Variants in PPP2CB observed in about 807,000 individuals in gnomAD.
PPP2CB encodes the protein protein phosphatase 2 catalytic subunit beta.
In PPP2CB, 18 loss-of-function variants were observed where a neutral mutation model predicts 39.1. That is an observed-to-expected ratio of 0.46 (90% CI 0.32 to 0.68). PPP2CB has a LOEUF of 0.68. Among genes scored for constraint, PPP2CB ranks in the 30% least tolerant of loss-of-function variants. The pLI is 0.04. For synonymous variants in PPP2CB, 129 were observed against 133.8 expected (o/e 0.96, Z 0.25); for missense variants, 226 against 396.9 (o/e 0.57, Z 3.66).
At chr8:30,791,692 T>G (rs1806431649) in intron 5 of PPP2CB, 1 of 163,222 alleles carries the variant, frequency 6.1e-6, no homozygotes, top group African/African-American at 2.4e-5. Flanking sequence ...TTAGAATACT[T>G]TCTTCCTAGA....
At position 30,785,917 on chromosome 8, in the gene PPP2CB, T is replaced by A. The variant is rs1806331464; in HGVS notation, c.*318A>T. 4.1e-6 allele frequency: 2 copies of A among 487,082 alleles called. No homozygotes were observed. The highest frequency in any genetic ancestry group is 3.2e-5 in the South Asian group (2 of 61,966). The allele number at this position is 487,082 out of a possible 1,614,324, so 30.2% of individuals were successfully genotyped here. ...CCAGTTAAACACTATAACTAAAATTTCCAAATAAGCGCAAAAGGAGATGAA... is the reference window on the plus strand; with the variant it reads ...CCAGTTAAACACTATAACTAAAATTACCAAATAAGCGCAAAAGGAGATGAA... On this transcript the variant is annotated 3_prime_UTR_variant, in exon 7 of 7. Coordinates refer to ENST00000221138, the MANE Select transcript of PPP2CB (RefSeq NM_001009552.2).
chr8:30,794,853 A>C (rs1223952595), intron 3 of PPP2CB, among the ~76,000 whole-genome samples: 1 of 152,238 alleles, frequency 6.6e-6, no homozygotes, highest in African/African-American at 2.4e-5. Context: ...GTTACTGGCT[A>C]CAATAAATTT....
intron 6 of PPP2CB, among the ~76,000 whole-genome samples, chr8:30,788,497 A>G (rs936768314): frequency 1.3e-5 from 2 of 152,010 alleles, no homozygotes; most frequent in African/African-American, 4.8e-5. Flanking sequence ...TGATCCTCCT[A>G]CTTTGGCTTC....
chr8:30,811,596 A>T (rs1177280142), intron 1 of PPP2CB, among the ~76,000 whole-genome samples: 14 of 151,414 alleles, frequency 9.2e-5, no homozygotes, highest in African/African-American at 3.4e-4. Flanking sequence ...CCTGGGCTCA[A>T]GCGATCCTCC....
At chr8:30,803,319 G>A (rs1456029628) in intron 1 of PPP2CB, among the ~76,000 whole-genome samples, 1 of 152,022 alleles carries the variant, frequency 6.6e-6, no homozygotes, top group African/African-American at 2.4e-5. Context: ...GAGGCAGAAG[G>A]ATCACTTGAG....
At chr8:30,793,569 C>G (rs1563214725) in intron 5 of PPP2CB, 1 of 179,710 alleles carries the variant, frequency 5.6e-6, no homozygotes, top group African/African-American at 2.4e-5. Context: ...CTGTCTGCAA[C>G]AGATATTCAA....
Position 30,793,998 on chromosome 8 carries a change from T to C in PPP2CB, c.657A>G (p.Thr219=). The C allele has an allele frequency of 1.2e-6, 2 of 1,613,744 alleles. No individual in the cohort carries two copies. Among genetic ancestry groups the C allele is most frequent in the Non-Finnish European group, 1.7e-6 (2 of 1,179,842 alleles). ...AGGTTTCAGAAATGTCTTGTCCAAA[T>C]GTGTAGCCAGCACCACGTGGTGAAA... The part of the protein sequence containing the change: ...WGISPRGAGY[T]FGQDISETFN... The change falls in exon 5 of 7, where the codon ACA becomes ACG. Residue 219 remains threonine (T), a synonymous_variant. Transcript: ENST00000221138.
At chr8:30,786,857 G>T (rs112075633) in intron 6 of PPP2CB, among the ~76,000 whole-genome samples, 11 of 151,320 alleles carry the variant, frequency 7.3e-5, no homozygotes, top group African/African-American at 2.4e-4. Context: ...TAGTAGAGAC[G>T]GGGTTTCACC....
chr8:30,786,662 CTT>C (rs35450368), intron 6 of PPP2CB, among the ~76,000 whole-genome samples: 6 of 127,740 alleles, frequency 4.7e-5, no homozygotes, highest in Admixed American at 8.1e-5. Flanking sequence ...AATAATATCA[CTT>C]TTTTTTTTTT....
At chr8:30,812,216 C>G in intron 1 of PPP2CB, 104 bp downstream of exon 1, 1 of 807,284 alleles carries the variant, frequency 1.2e-6, no homozygotes, top group Non-Finnish European at 1.6e-6. Flanking sequence ...CGCAGGCCCC[C>G]GGTGGGCCGC....
At chr8:30,789,699 CAA>C (rs1806400134) in intron 6 of PPP2CB, among the ~76,000 whole-genome samples, 1 of 151,542 alleles carries the variant, frequency 6.6e-6, no homozygotes, top group African/African-American at 2.4e-5. Flanking sequence ...GTCGTTCAGT[CAA>C]TGATGAGAGG....
rs1443432518 is a variant in PPP2CB at position 30,795,113 on chromosome 8, ATTTTGATTTTTT to A, written c.487-844_487-833del. Among the ~76,000 whole-genome samples the A allele has an allele frequency of 1.7e-4, 24 of 143,486 alleles. No homozygotes were observed. In the South Asian group the frequency reaches 5.3e-3, roughly 31 times the overall value. The allele number at this position is 143,486 out of a possible 152,430, so 94.1% of individuals were successfully genotyped here. On this transcript the variant is annotated intron_variant, in intron 3 of 6. Transcript: ENST00000221138. The stretch of plus-strand genomic sequence containing the variant: ...AGTTTTAACAAGCATTTTCTTTCTG[ATTTTGATTTTTT>A]TTTTTTTTTTTTTTGAGACGGAGTT...
At chr8:30,795,119 A>AT (rs893547625) in intron 3 of PPP2CB, among the ~76,000 whole-genome samples, 16,409 of 127,456 alleles carry the variant, frequency 0.13, 1,153 homozygotes, top group African/African-American at 0.14. Flanking sequence ...TCTGATTTTG[A>AT]TTTTTTTTTT....
intron 3 of PPP2CB, among the ~76,000 whole-genome samples, chr8:30,796,659 G>A (rs1806531646): frequency 6.6e-6 from 1 of 152,112 alleles, no homozygotes; most frequent in African/African-American, 2.4e-5. Flanking sequence ...AAAGTGCTGG[G>A]ATTACAGGTA....
intron 3 of PPP2CB, among the ~76,000 whole-genome samples, chr8:30,796,154 T>C (rs1041216180): frequency 2.6e-5 from 4 of 152,220 alleles, no homozygotes; most frequent in African/African-American, 9.6e-5. Context: ...TAACATCTTT[T>C]AAATTCACAT....
At chr8:30,787,381 C>T (rs1247272953) in intron 6 of PPP2CB, among the ~76,000 whole-genome samples, 1 of 152,126 alleles carries the variant, frequency 6.6e-6, no homozygotes, top group Non-Finnish European at 1.5e-5. Context: ...ACTCTGTTGC[C>T]CAAGCTGGAG....
chr8:30,797,517 T>C (rs1806546936), intron 3 of PPP2CB, 64 bp downstream of exon 3: 2 of 1,456,580 alleles, frequency 1.4e-6, no homozygotes, highest in Non-Finnish European at 1.9e-6. Flanking sequence ...AGACCCCAGC[T>C]TACCAATAGT....
At chr8:30,812,245 G>T (rs911651168) in intron 1 of PPP2CB, 75 bp downstream of exon 1, 8 of 1,150,134 alleles carry the variant, frequency 7.0e-6, no homozygotes. Flanking sequence ...AGGGGCGGAC[G>T]GGACCGGGGC....
At chr8:30,811,112 T>G in intron 1 of PPP2CB, among the ~76,000 whole-genome samples, 1 of 152,174 alleles carries the variant, frequency 6.6e-6, no homozygotes, top group East Asian at 1.9e-4. Context: ...GATGGAGAGA[T>G]CGAAATAATT....
Sources: allele counts gnomAD v4.1 joint callset (sites outside exome capture counted in the v4.1 genomes callset), GRCh38; gene constraint gnomAD v4.1.1; transcripts MANE v1.5; gene names NCBI Gene and HGNC (gene_info 2026-07-23, HGNC 2026-07-21).